The following ASPH variants were observed in gnomAD, a reference collection of about 807,000 sequenced individuals.
ASPH encodes aspartate beta-hydroxylase.
ASPH carries 100 observed loss-of-function variants against 118.4 expected under a neutral mutation model. The ratio of observed to expected loss-of-function variants is 0.84; its 90% CI spans 0.72 to 1.00. ASPH has a LOEUF of 1.00. Ranked by LOEUF, ASPH falls within the 50% of genes least tolerant of loss-of-function variation. ASPH has a pLI of 0.00. For synonymous variants in ASPH, 315 were observed against 325.6 expected (o/e 0.97, Z 0.35); for missense variants, 920 against 919.5 (o/e 1.00, Z -0.01).
At chr8:61,626,233 C>A (rs749105515) in intron 13 of ASPH, 1 of 1,533,350 alleles carries the variant, frequency 6.5e-7, no homozygotes, top group Non-Finnish European at 8.7e-7. Flanking sequence ...TATGGTTAGG[C>A]TGGTCCTCCT....
At chr8:61,579,342 C>T in intron 15 of ASPH, 4 of 1,614,180 alleles carry the variant, frequency 2.5e-6, no homozygotes, top group Non-Finnish European at 3.4e-6. Flanking sequence ...GCGTGAGTAC[C>T]AGGAGCTGAT....
chr8:61,514,134 C>T (rs886425063), intron 24 of ASPH, among the ~76,000 whole-genome samples: 1 of 151,866 alleles, frequency 6.6e-6, no homozygotes, highest in Non-Finnish European at 1.5e-5. Context: ...GCCACCATGC[C>T]CAACATGCAT....
At position 61,501,487 on chromosome 8, in the gene ASPH, C is replaced by T. The variant is rs1373187437; in HGVS notation, c.*1872G>A. 2.6e-5 allele frequency: 4 copies of T among 152,006 alleles called. No homozygotes were observed. The highest frequency in any genetic ancestry group is 6.6e-5 in the Admixed American group (1 of 15,260). 9.4% of individuals were successfully genotyped at this position (152,006 alleles called of 1,614,324 possible). On this transcript the variant is annotated 3_prime_UTR_variant, in exon 25 of 25. Transcript: ENST00000379454. The stretch of plus-strand genomic sequence containing the variant: ...TAAGATGATGGCTCAAAAATGACGA[C>T]TTATAGTTTGAATTTATGTGTATGC...
At chr8:61,582,953 CGAT>C (rs1238554642) in intron 15 of ASPH, 2 of 152,008 alleles carry the variant, frequency 1.3e-5, no homozygotes, top group African/African-American at 4.8e-5. Context: ...TTTTTGCACC[CGAT>C]GATTAGATGA....
chr8:61,525,886 G>T (rs1218320317), intron 22 of ASPH, 91 bp downstream of exon 22: 31 of 1,523,314 alleles, frequency 2.0e-5, no homozygotes, highest in Non-Finnish European at 2.8e-5. Context: ...GGGAATCCCA[G>T]CTCTGGGAAG....
chr8:61,706,945 T>C (rs896688751), intron 1 of ASPH, among the ~76,000 whole-genome samples: 1 of 152,260 alleles, frequency 6.6e-6, no homozygotes, highest in African/African-American at 2.4e-5. Flanking sequence ...ATTAGATCCC[T>C]AATAACAAAA....
intron 20 of ASPH, 150 bp downstream of exon 20, chr8:61,552,881 C>A: frequency 1.6e-6 from 1 of 626,084 alleles, no homozygotes; most frequent in South Asian, 2.4e-5. Flanking sequence ...TGGGTTGTTC[C>A]AAAGATAGTT....
At chr8:61,603,191 CAAAAAAAA>C (rs11336705) in intron 14 of ASPH, among the ~76,000 whole-genome samples, 58 of 61,376 alleles carry the variant, frequency 9.4e-4, no homozygotes, top group Admixed American at 6.3e-3. Context: ...AGACTTGTCT[CAAAAAAAA>C]AAAAAAAAAA....
At position 61,611,102 on chromosome 8, in the gene ASPH, C is replaced by T. The variant is rs190190080; in HGVS notation, c.976+7876G>A. 2.1e-3 allele frequency among the ~76,000 whole-genome samples: 323 copies of T among 152,348 alleles called. 3 individuals are homozygous for T. Among genetic ancestry groups the T allele is most frequent in the African/African-American group, 7.3e-3 (305 of 41,584 alleles). On this transcript the variant is annotated intron_variant, in intron 14 of 24. Coordinates refer to ENST00000379454, the MANE Select transcript of ASPH (RefSeq NM_004318.4). Reference sequence around the variant, plus strand: ...AAAGCATCCCTGGCTGACTTAGTTGCCACCTTCATGGGTAGCCCCAGGGAG... The same window carrying T: ...AAAGCATCCCTGGCTGACTTAGTTGTCACCTTCATGGGTAGCCCCAGGGAG...
At chr8:61,659,101 A>C (rs1794462362) in intron 3 of ASPH, 1 of 152,346 alleles carries the variant, frequency 6.6e-6, no homozygotes, top group African/African-American at 2.4e-5. Context: ...ACAGAGCAGG[A>C]GCACATTCAG....
At chr8:61,703,979 A>C (rs1835877817) in intron 1 of ASPH, among the ~76,000 whole-genome samples, 1 of 151,948 alleles carries the variant, frequency 6.6e-6, no homozygotes, top group Non-Finnish European at 1.5e-5. Context: ...GCGGATCACG[A>C]GGTCAGGAGA....
intron 14 of ASPH, among the ~76,000 whole-genome samples, chr8:61,597,077 G>T (rs1563959109): frequency 6.7e-6 from 1 of 148,996 alleles, no homozygotes; most frequent in East Asian, 2.0e-4. Context: ...GGGAACTAAA[G>T]AATTCAATGA....
At chr8:61,624,132 A>G in intron 13 of ASPH, 1 of 740,354 alleles carries the variant, frequency 1.4e-6, no homozygotes, top group Non-Finnish European at 1.6e-6. Context: ...GAGTTACTAT[A>G]GCCAACAATA....
intron 3 of ASPH, chr8:61,664,718 C>T: frequency 1.0e-6 from 1 of 985,906 alleles, no homozygotes; most frequent in Non-Finnish European, 1.2e-6. Context: ...TGAGGAACGG[C>T]CCCCTGAAAG....
At chr8:61,668,269 G>T (rs766977068) in intron 3 of ASPH, 1 of 1,605,206 alleles carries the variant, frequency 6.2e-7, no homozygotes, top group Admixed American at 1.7e-5. Context: ...TACCCCACTG[G>T]GTCCTTCTGT....
intron 3 of ASPH, chr8:61,675,428 C>T: frequency 1.0e-6 from 1 of 984,246 alleles, no homozygotes; most frequent in Non-Finnish European, 1.2e-6. Flanking sequence ...TGTCATGCTA[C>T]TATCTGAAAA....
chr8:61,606,938 G>A (rs1054196295), intron 14 of ASPH: 2 of 227,662 alleles, frequency 8.8e-6, no homozygotes, highest in African/African-American at 4.5e-5. Context: ...TGGGTTCACA[G>A]GGCTCTTGCA....
intron 15 of ASPH, chr8:61,578,525 T>G (rs1394529233): frequency 6.3e-7 from 1 of 1,579,776 alleles, no homozygotes; most frequent in Non-Finnish European, 8.7e-7. Context: ...ACAACAAGTT[T>G]GCCTCCTTCA....
At chr8:61,602,594 A>G (rs1227393517) in intron 14 of ASPH, among the ~76,000 whole-genome samples, 1 of 151,400 alleles carries the variant, frequency 6.6e-6, no homozygotes, top group African/African-American at 2.5e-5. Flanking sequence ...TGGAGGTTCC[A>G]GCCACTGAAT....
Sources: gnomAD v4.1 joint callset for allele counts (sites outside exome capture counted in the v4.1 genomes callset) on GRCh38, gnomAD v4.1.1 for gene constraint, MANE v1.5 for transcripts, NCBI Gene and HGNC (gene_info 2026-07-23, HGNC 2026-07-21) for gene names.